Variants in CNGA3 observed in about 807,000 individuals in gnomAD.
CNGA3 encodes the protein cyclic nucleotide gated channel subunit alpha 3, also known as cyclic nucleotide-gated channel alpha-3.
A neutral mutation model predicts 46.6 loss-of-function variants in CNGA3; 42 were observed. That is an observed-to-expected ratio of 0.90 (90% CI 0.70 to 1.17). The LOEUF (loss-of-function observed/expected upper bound fraction) is 1.17, where lower values mean the gene tolerates loss of function less well. Among genes scored for constraint, CNGA3 ranks in the 50% most tolerant of loss-of-function variants. CNGA3 has a pLI of 0.00. For synonymous variants in CNGA3, 394 were observed against 369.4 expected (o/e 1.07, Z -0.76); for missense variants, 893 against 890.7 (o/e 1.00, Z -0.03).
At chr2:98,372,445 G>A (rs918464825) in intron 2 of CNGA3, among the ~76,000 whole-genome samples, 25 of 152,138 alleles carry the variant, frequency 1.6e-4, no homozygotes, top group Non-Finnish European at 1.0e-4. Flanking sequence ...CTGAACTGAC[G>A]TCTTGAGATA....
intron 6 of CNGA3, 138 bp from the exon 7 acceptor site, chr2:98,391,725 GA>G: frequency 1.3e-6 from 1 of 751,992 alleles, no homozygotes. Context: ...TGATTACACT[GA>G]GGTAGTGACA....
At chr2:98,346,809 C>T (rs918275306) in intron 1 of CNGA3, among the ~76,000 whole-genome samples, 29 of 152,238 alleles carry the variant, frequency 1.9e-4, no homozygotes, top group Admixed American at 1.8e-3. Flanking sequence ...GGAAGCCCTC[C>T]CCGTGCTCCC....
chr2:98,395,823 G>T, intron 7 of CNGA3, 21 bp from the exon 8 acceptor site: 2 of 1,612,030 alleles, frequency 1.2e-6, no homozygotes, highest in South Asian at 2.2e-5. Flanking sequence ...GATGCCCAAT[G>T]ACCTCCATCT....
At chr2:98,358,744 A>G (rs1691948509) in intron 1 of CNGA3, among the ~76,000 whole-genome samples, 1 of 151,196 alleles carries the variant, frequency 6.6e-6, no homozygotes, top group African/African-American at 2.4e-5. Flanking sequence ...CACTTATGAG[A>G]CAATAGGGAA....
At position 98,398,305 on chromosome 2, in the gene CNGA3, A is replaced by G. The variant is rs886056493; in HGVS notation, c.*1050A>G. 5 of 152,162 alleles carry G rather than the reference A, an allele frequency of 3.3e-5. No individual in the cohort carries two copies. The highest frequency in any genetic ancestry group is 6.5e-5 in the Admixed American group (1 of 15,276). The allele number at this position is 152,162 out of a possible 1,614,324, so 9.4% of individuals were successfully genotyped here. A position where few individuals can be genotyped will look rare whatever the true frequency, so the allele number is the denominator to read the frequency against. On this transcript the variant is annotated 3_prime_UTR_variant, in exon 8 of 8. Transcript: ENST00000272602. ...TAAAAAACAAACCCCAGTAAATATA[A>G]TTTCATTAACATTTTATAACAGATT...
intron 1 of CNGA3, among the ~76,000 whole-genome samples, chr2:98,357,159 G>C (rs145157415): frequency 1.3e-4 from 20 of 152,244 alleles, no homozygotes; most frequent in Non-Finnish European, 1.9e-4. Context: ...TGCCTTTAAG[G>C]CTTTTGGAGT....
chr2:98,380,929 G>A (rs1014864922), intron 4 of CNGA3, among the ~76,000 whole-genome samples: 1 of 152,190 alleles, frequency 6.6e-6, no homozygotes, highest in Non-Finnish European at 1.5e-5. Flanking sequence ...GGTGAGAGTA[G>A]AGCGAGGTGG....
At position 98,385,592 on chromosome 2, in the gene CNGA3, T is replaced by C. The variant is rs552355481; in HGVS notation, c.449+2151T>C. Among the ~76,000 whole-genome samples, 56 of 152,330 alleles carry C rather than the reference T, an allele frequency of 3.7e-4. 1 individual carries two copies. Among genetic ancestry groups the C allele is most frequent in the Admixed American group, 3.6e-3 (55 of 15,306 alleles). On this transcript the variant is annotated intron_variant, in intron 5 of 7. Transcript: ENST00000272602. ...AGATTGATACAATATATTTTATATA[T>C]ACATATACTTGTTAAGAGCATCTGT...
At chr2:98,364,490 T>C (rs58799739) in intron 1 of CNGA3, among the ~76,000 whole-genome samples, 29,176 of 152,174 alleles carry the variant, frequency 0.19, 3,199 homozygotes, top group Non-Finnish European at 0.26. Flanking sequence ...CATCGCTTTA[T>C]GTTGAGCCCA....
chr2:98,352,389 G>A (rs1462311330), intron 1 of CNGA3, among the ~76,000 whole-genome samples: 1 of 151,982 alleles, frequency 6.6e-6, no homozygotes, highest in Non-Finnish European at 1.5e-5. Context: ...ATTTCTCTTA[G>A]GTATAAGCTT....
chr2:98,368,690 G>A (rs1186466279), intron 1 of CNGA3, among the ~76,000 whole-genome samples: 1 of 152,226 alleles, frequency 6.6e-6, no homozygotes, highest in African/African-American at 2.4e-5. Flanking sequence ...TGGCTGTGCA[G>A]GAGACCAGAG....
At chr2:98,364,241 G>A (rs920752018) in intron 1 of CNGA3, among the ~76,000 whole-genome samples, 1 of 152,102 alleles carries the variant, frequency 6.6e-6, no homozygotes, top group Non-Finnish European at 1.5e-5. Flanking sequence ...AGCCAGGCAT[G>A]GTGGCATGGG....
At position 98,380,665 on chromosome 2, in the gene CNGA3, G is replaced by A. The variant is rs554808919; in HGVS notation, c.395+311G>A. Among the ~76,000 whole-genome samples, 8 of 152,254 alleles carry A rather than the reference G, an allele frequency of 5.3e-5. No homozygotes were observed. The South Asian group carries it at 1.7e-3, about 32-fold the overall frequency. ...GAAATCATGTTCTCAGAAACTCATC[G>A]GGGGATGCTGGCCTTACCTATCTCT... On this transcript the variant is annotated intron_variant, in intron 4 of 7. Coordinates refer to ENST00000272602, the MANE Select transcript of CNGA3 (RefSeq NM_001298.3).
intron 6 of CNGA3, among the ~76,000 whole-genome samples, chr2:98,390,755 GT>G (rs1692765669): frequency 6.6e-6 from 1 of 152,126 alleles, no homozygotes; most frequent in South Asian, 2.1e-4. Flanking sequence ...TAAGCATGGG[GT>G]TTGGGGGCCC....
At chr2:98,380,038 C>T in intron 3 of CNGA3, 137 bp from the exon 4 acceptor site, 2 of 1,018,106 alleles carry the variant, frequency 2.0e-6, no homozygotes, top group Non-Finnish European at 3.0e-6. Context: ...CCGTACCCTG[C>T]TGGTCATCAT....
At chr2:98,372,203 C>T (rs1464444674) in intron 2 of CNGA3, among the ~76,000 whole-genome samples, 1 of 152,230 alleles carries the variant, frequency 6.6e-6, no homozygotes, top group Admixed American at 6.5e-5. Context: ...GCTGACTCAC[C>T]CTGGTTCTGC....
chr2:98,391,808 G>A (rs532298545), intron 6 of CNGA3, 56 bp from the exon 7 acceptor site: 1 of 1,549,130 alleles, frequency 6.5e-7, no homozygotes, highest in Non-Finnish European at 8.9e-7. Context: ...ACAGGTGGGT[G>A]GTCCACGCTC....
intron 1 of CNGA3, among the ~76,000 whole-genome samples, chr2:98,349,470 T>C (rs915314604): frequency 1.1e-4 from 17 of 152,222 alleles, no homozygotes; most frequent in African/African-American, 4.1e-4. Flanking sequence ...TTCATAAAGA[T>C]TCTGGGGTCA....
At chr2:98,386,112 A>G (rs1692647981) in intron 5 of CNGA3, among the ~76,000 whole-genome samples, 1 of 152,224 alleles carries the variant, frequency 6.6e-6, no homozygotes, top group Non-Finnish European at 1.5e-5. Context: ...AAAAGTGCTC[A>G]GAACAGTGCC....
Sources: allele counts gnomAD v4.1 joint callset (sites outside exome capture counted in the v4.1 genomes callset), GRCh38; gene constraint gnomAD v4.1.1; transcripts MANE v1.5; gene names NCBI Gene and HGNC (gene_info 2026-07-23, HGNC 2026-07-21).